GABRG3: variants seen among roughly 807,000 people sequenced by gnomAD.
The protein encoded by GABRG3 is gamma-aminobutyric acid receptor subunit gamma-3.
In GABRG3, 25 loss-of-function variants were observed where a neutral mutation model predicts 48.8. The ratio of observed to expected loss-of-function variants is 0.51; its 90% CI spans 0.37 to 0.72. The LOEUF (loss-of-function observed/expected upper bound fraction) is 0.72. Ranked by LOEUF, GABRG3 falls within the 30% of genes least tolerant of loss-of-function variation. The probability of loss-of-function intolerance (pLI) is 0.00; values close to 1 mark genes in which losing one functional copy is unlikely to be tolerated. For missense variants in GABRG3, 394 were observed against 577.9 expected, an observed-to-expected ratio of 0.68 and a Z score of 3.26; for synonymous variants, 227 against 217.6, an observed-to-expected ratio of 1.04 and a Z score of -0.38.
At chr15:27,243,469 G>A (rs946226399) in intron 3 of GABRG3, among the ~76,000 whole-genome samples, 8 of 152,074 alleles carry the variant, frequency 5.3e-5, no homozygotes, top group Admixed American at 2.0e-4. Flanking sequence ...TGCAGGGGAC[G>A]CTGGAGGCAA....
intron 5 of GABRG3, among the ~76,000 whole-genome samples, chr15:27,474,529 C>T (rs1165881172): frequency 1.3e-5 from 2 of 152,250 alleles, no homozygotes; most frequent in African/African-American, 2.4e-5. Flanking sequence ...AGGGCCCCTG[C>T]AAGCAAGGGC....
At chr15:27,276,967 G>C (rs1262794302) in intron 3 of GABRG3, among the ~76,000 whole-genome samples, 1 of 152,162 alleles carries the variant, frequency 6.6e-6, no homozygotes, top group African/African-American at 2.4e-5. Context: ...TGGCTATCTG[G>C]GAGAAGTTTG....
At chr15:27,045,663 G>A (rs1379675314) in intron 3 of GABRG3, among the ~76,000 whole-genome samples, 2 of 152,162 alleles carry the variant, frequency 1.3e-5, no homozygotes, top group East Asian at 1.9e-4. Context: ...CATGGAAGGC[G>A]AAAGAGAAAG....
At chr15:27,499,371 T>C (rs1027005450) in intron 6 of GABRG3, among the ~76,000 whole-genome samples, 4 of 152,154 alleles carry the variant, frequency 2.6e-5, no homozygotes, top group African/African-American at 7.2e-5. Context: ...TCTCCCATTA[T>C]TGAAACAATA....
chr15:27,535,064 G>C lies in GABRG3; in HGVS notation c.*2183G>C, dbSNP rs529664576. On this transcript the variant is annotated 3_prime_UTR_variant, in exon 10 of 10. Transcript: ENST00000615808. ...TGTCTCTCATGCATAAGCAACCCCC[G>C]CCTTGGCAGAAGTATTCTGCAAGGA... is the stretch of plus-strand genomic sequence containing the variant. The C allele has an allele frequency of 6.6e-6, 1 of 152,160 alleles. No individual in the cohort carries two copies. The highest frequency in any genetic ancestry group is 2.4e-5 in the African/African-American group (1 of 41,418). 9.4% of individuals were successfully genotyped at this position (152,160 alleles called of 1,614,324 possible). A position where few individuals can be genotyped will look rare whatever the true frequency, so the allele number is the denominator to read the frequency against.
chr15:27,145,168 A>G (rs1199735754), intron 3 of GABRG3, among the ~76,000 whole-genome samples: 2 of 135,728 alleles, frequency 1.5e-5, no homozygotes, highest in Non-Finnish European at 3.1e-5. Flanking sequence ...TGAACCATAT[A>G]CAGGGAAAAA....
At chr15:27,079,127 C>A (rs1005746389) in intron 3 of GABRG3, among the ~76,000 whole-genome samples, 5 of 152,068 alleles carry the variant, frequency 3.3e-5, no homozygotes, top group East Asian at 1.9e-4. Context: ...CATGGCCCAG[C>A]TGATGACTTG....
At chr15:27,427,914 G>A (rs987472166) in intron 5 of GABRG3, among the ~76,000 whole-genome samples, 2 of 151,960 alleles carry the variant, frequency 1.3e-5, no homozygotes, top group Non-Finnish European at 2.9e-5. Flanking sequence ...ACATGGACTC[G>A]CTTTGTCTCC....
intron 5 of GABRG3, among the ~76,000 whole-genome samples, chr15:27,430,731 T>C (rs932843911): frequency 6.6e-6 from 1 of 152,182 alleles, no homozygotes; most frequent in African/African-American, 2.4e-5. Context: ...GGCTGACACC[T>C]GTAATCCCAG....
chr15:27,430,992 T>TAAAA (rs1555381409), intron 5 of GABRG3, among the ~76,000 whole-genome samples: 1 of 91,666 alleles, frequency 1.1e-5, no homozygotes, highest in Non-Finnish European at 2.1e-5. Flanking sequence ...CCTGTCTCAA[T>TAAAA]AAATAAATAA....
intron 2 of GABRG3, among the ~76,000 whole-genome samples, chr15:27,003,763 C>G (rs1288184790): frequency 1.3e-5 from 2 of 151,978 alleles, no homozygotes; most frequent in Admixed American, 6.6e-5. Flanking sequence ...GGGTGGTGGC[C>G]TGGCAGAGGG....
At chr15:27,115,527 C>T (rs974677953) in intron 3 of GABRG3, among the ~76,000 whole-genome samples, 3 of 152,132 alleles carry the variant, frequency 2.0e-5, no homozygotes, top group South Asian at 2.1e-4. Flanking sequence ...AAAGTTGGTA[C>T]GAATCCCCCA....
intron 5 of GABRG3, among the ~76,000 whole-genome samples, chr15:27,405,987 C>G (rs1887622278): frequency 6.6e-6 from 1 of 152,094 alleles, no homozygotes; most frequent in African/African-American, 2.4e-5. Context: ...TGGCCAAACA[C>G]TTTGAACAAC....
At chr15:27,080,262 C>T (rs1225548367) in intron 3 of GABRG3, among the ~76,000 whole-genome samples, 2 of 151,770 alleles carry the variant, frequency 1.3e-5, no homozygotes, top group Non-Finnish European at 2.9e-5. Context: ...CCAGCCTGAA[C>T]AACATAGCGA....
At chr15:26,992,223 C>A (rs1356478826) in intron 2 of GABRG3, among the ~76,000 whole-genome samples, 1 of 152,072 alleles carries the variant, frequency 6.6e-6, no homozygotes, top group Non-Finnish European at 1.5e-5. Context: ...GTTTTTATTT[C>A]TTTCTCTTCT....
At chr15:27,484,622 G>C (rs1890177465) in intron 6 of GABRG3, among the ~76,000 whole-genome samples, 1 of 152,074 alleles carries the variant, frequency 6.6e-6, no homozygotes, top group African/African-American at 2.4e-5. Flanking sequence ...TCCAATTAAA[G>C]GAACCAGGGC....
At chr15:27,419,294 T>A (rs1888038558) in intron 5 of GABRG3, among the ~76,000 whole-genome samples, 1 of 152,116 alleles carries the variant, frequency 6.6e-6, no homozygotes, top group Non-Finnish European at 1.5e-5. Context: ...ACGCCACAGC[T>A]TTCATGACCA....
intron 2 of GABRG3, among the ~76,000 whole-genome samples, chr15:26,983,782 A>G (rs1895098709): frequency 6.6e-6 from 1 of 152,146 alleles, no homozygotes; most frequent in Non-Finnish European, 1.5e-5. Flanking sequence ...TCTAAAAGGA[A>G]AATAATTTTA....
chr15:27,056,732 G>A (rs1379845676), intron 3 of GABRG3, among the ~76,000 whole-genome samples: 1 of 152,146 alleles, frequency 6.6e-6, no homozygotes, highest in Non-Finnish European at 1.5e-5. Flanking sequence ...GTGAGGATGG[G>A]AGAGGTGGTG....
Sources: gnomAD v4.1 joint callset for allele counts (sites outside exome capture counted in the v4.1 genomes callset) on GRCh38, gnomAD v4.1.1 for gene constraint, MANE v1.5 for transcripts, NCBI Gene and HGNC (gene_info 2026-07-23, HGNC 2026-07-21) for gene names.